GRB2: variants seen among roughly 807,000 people sequenced by gnomAD.
GRB2 encodes growth factor receptor bound protein 2, also known as growth factor receptor-bound protein 2.
A neutral mutation model predicts 27.4 loss-of-function variants in GRB2; 2 were observed. The ratio of observed to expected loss-of-function variants is 0.07; its 90% CI spans 0.03 to 0.23. The LOEUF is 0.23. Among genes scored for constraint, GRB2 ranks in the 10% least tolerant of loss-of-function variants. The pLI, the probability that GRB2 is intolerant of heterozygous loss-of-function variation, is 1.00. For synonymous variants in GRB2, 94 were observed against 99.6 expected (o/e 0.94, Z 0.33); for missense variants, 102 against 282.4 (o/e 0.36, Z 4.58).
At chr17:75,341,826 G>A (rs528725462) in intron 2 of GRB2, among the ~76,000 whole-genome samples, 1 of 152,266 alleles carries the variant, frequency 6.6e-6, no homozygotes, top group Admixed American at 6.5e-5. Flanking sequence ...CAAATGTCCA[G>A]GCAACAACGC....
At chr17:75,335,449 T>A (rs559596290) in intron 2 of GRB2, among the ~76,000 whole-genome samples, 1 of 152,244 alleles carries the variant, frequency 6.6e-6, no homozygotes, top group South Asian at 2.1e-4. Flanking sequence ...TGCTCTAAAG[T>A]GAGTGCTGTC....
In GRB2 at chr17:75,319,923, GTA is replaced by G. The variant is rs2078446454; in HGVS notation, c.*443_*444del. ...CGGCCCTGCCCGCTCCTTTTTGTGT[GTA>G]TATACGAAGAACACAGGAACAGCTG... On this transcript the variant is annotated 3_prime_UTR_variant, in exon 6 of 6. Coordinates refer to ENST00000316804, the MANE Select transcript of GRB2 (RefSeq NM_002086.5). 2 of 161,446 alleles carry G rather than the reference GTA, an allele frequency of 1.2e-5. No individual in the cohort carries two copies. The highest frequency in any genetic ancestry group is 4.8e-5 in the African/African-American group (2 of 41,558). 10.0% of individuals were successfully genotyped at this position (161,446 alleles called of 1,614,324 possible). A position where few individuals can be genotyped will look rare whatever the true frequency, so the allele number is the denominator to read the frequency against.
intron 4 of GRB2, among the ~76,000 whole-genome samples, chr17:75,324,409 C>T (rs2078482298): frequency 1.4e-5 from 2 of 141,448 alleles, no homozygotes; most frequent in Non-Finnish European, 3.0e-5. Flanking sequence ...AGGGTTTTAC[C>T]ATGTTCGCCA....
intron 2 of GRB2, among the ~76,000 whole-genome samples, chr17:75,368,713 TTTTTTA>T (rs1160756299): frequency 6.6e-6 from 1 of 151,882 alleles, no homozygotes; most frequent in East Asian, 1.9e-4. Flanking sequence ...CCCGGCTCAT[TTTTTTA>T]TTTTTATTTT....
At chr17:75,330,360 G>C (rs148894806) in intron 3 of GRB2, among the ~76,000 whole-genome samples, 19 of 151,610 alleles carry the variant, frequency 1.3e-4, no homozygotes, top group Admixed American at 7.2e-4. Context: ...CTAGCCTGGC[G>C]ACAGAGCGAG....
chr17:75,385,430 A>G (rs200320814), intron 2 of GRB2, among the ~76,000 whole-genome samples: 1 of 152,138 alleles, frequency 6.6e-6, no homozygotes, highest in Non-Finnish European at 1.5e-5. Flanking sequence ...CCAGCTACTC[A>G]GGAGGCTGAG....
intron 1 of GRB2, among the ~76,000 whole-genome samples, chr17:75,395,689 C>G (rs1228601019): frequency 6.6e-6 from 1 of 152,102 alleles, no homozygotes; most frequent in Non-Finnish European, 1.5e-5. Flanking sequence ...TCAGTTTATT[C>G]CAGCCATTAT....
rs1441516146 is a variant in GRB2, at chr17:75,319,290, T to C, written c.*1078A>G. The C allele has an allele frequency of 7.1e-6, 1 of 141,782 alleles. No individual in the cohort carries two copies. Among genetic ancestry groups the C allele is most frequent in the African/African-American group, 2.6e-5 (1 of 38,684 alleles). The allele number at this position is 141,782 out of a possible 1,614,324, so 8.8% of individuals were successfully genotyped here. ...TTGGCTGAAAAGCTCTGGACTGCCT[T>C]TAACTTATTTTAAAACAAAACAAAT... is the stretch of plus-strand genomic sequence containing the variant. On this transcript the variant is annotated 3_prime_UTR_variant, in exon 6 of 6. Coordinates refer to ENST00000316804, the MANE Select transcript of GRB2 (RefSeq NM_002086.5).
chr17:75,343,079 A>C (rs1598227154), intron 2 of GRB2, among the ~76,000 whole-genome samples: 2 of 136,370 alleles, frequency 1.5e-5, no homozygotes, highest in South Asian at 2.6e-4. Context: ...AAGATTGGGA[A>C]GGAGTGGGGG....
At chr17:75,345,279 C>T (rs1422749541) in intron 2 of GRB2, among the ~76,000 whole-genome samples, 3 of 151,956 alleles carry the variant, frequency 2.0e-5, no homozygotes, top group African/African-American at 7.3e-5. Context: ...CTCCTGACCT[C>T]GTGATCCGCC....
At chr17:75,344,555 C>T (rs2078642527) in intron 2 of GRB2, 1 of 151,858 alleles carries the variant, frequency 6.6e-6, no homozygotes, top group Non-Finnish European at 1.5e-5. Context: ...ACCAAGCTGG[C>T]TAATTTCTAT....
chr17:75,330,849 A>C (rs1042143815), intron 3 of GRB2, among the ~76,000 whole-genome samples: 1 of 152,194 alleles, frequency 6.6e-6, no homozygotes, highest in Non-Finnish European at 1.5e-5. Flanking sequence ...TGAAAAGCAC[A>C]TATTTGGATC....
chr17:75,398,432 AT>A (rs1349372233), intron 1 of GRB2, among the ~76,000 whole-genome samples: 1 of 148,572 alleles, frequency 6.7e-6, no homozygotes, highest in Non-Finnish European at 1.5e-5. Flanking sequence ...TAGCCTACTC[AT>A]TTTTTTTTGT....
At chr17:75,349,031 G>A (rs1374259672) in intron 2 of GRB2, among the ~76,000 whole-genome samples, 1 of 152,178 alleles carries the variant, frequency 6.6e-6, no homozygotes, top group African/African-American at 2.4e-5. Flanking sequence ...CAACTCATGT[G>A]TGGACGTTCT....
At chr17:75,327,648 C>T (rs767072168) in intron 3 of GRB2, among the ~76,000 whole-genome samples, 12 of 152,214 alleles carry the variant, frequency 7.9e-5, no homozygotes, top group South Asian at 2.1e-4. Context: ...GGATTAAAGT[C>T]GCGAGCCACC....
chr17:75,349,652 T>C (rs2078677017), intron 2 of GRB2, among the ~76,000 whole-genome samples: 1 of 151,780 alleles, frequency 6.6e-6, no homozygotes, highest in African/African-American at 2.4e-5. Context: ...CCCAAGTAGC[T>C]AGGATTGCAG....
chr17:75,337,080 A>T (rs903404387), intron 2 of GRB2, among the ~76,000 whole-genome samples: 3 of 152,204 alleles, frequency 2.0e-5, no homozygotes, highest in Non-Finnish European at 4.4e-5. Context: ...GATTTTGGTT[A>T]TCTGGAAAAT....
chr17:75,396,666 G>C (rs2079031011), intron 1 of GRB2, among the ~76,000 whole-genome samples: 1 of 152,038 alleles, frequency 6.6e-6, no homozygotes, highest in African/African-American at 2.4e-5. Context: ...AGGAATACAG[G>C]GGAGAGTGAG....
chr17:75,380,949 T>C (rs2078923877), intron 2 of GRB2, among the ~76,000 whole-genome samples: 1 of 152,220 alleles, frequency 6.6e-6, no homozygotes, highest in South Asian at 2.1e-4. Flanking sequence ...GCTATTATTA[T>C]GTATTCTGGT....
Sources: gnomAD v4.1 joint callset for allele counts (sites outside exome capture counted in the v4.1 genomes callset) on GRCh38, gnomAD v4.1.1 for gene constraint, MANE v1.5 for transcripts, NCBI Gene and HGNC (gene_info 2026-07-23, HGNC 2026-07-21) for gene names.